Variants in GFM1 observed in about 807,000 individuals in gnomAD.
The protein encoded by GFM1 is G elongation factor mitochondrial 1.
In GFM1, 62 loss-of-function variants were observed where a neutral mutation model predicts 96.2. The ratio of observed to expected loss-of-function variants is 0.64; its 90% CI spans 0.53 to 0.80. The LOEUF (loss-of-function observed/expected upper bound fraction) is 0.80. Among genes scored for constraint, GFM1 ranks in the 30% least tolerant of loss-of-function variants. The probability of loss-of-function intolerance (pLI) is 0.00; values close to 1 mark genes in which losing one functional copy is unlikely to be tolerated. For synonymous variants in GFM1, 282 were observed against 312.9 expected (o/e 0.90, Z 1.04); for missense variants, 852 against 916.6 (o/e 0.93, Z 0.91).
intron 14 of GFM1, among the ~76,000 whole-genome samples, chr3:158,682,730 T>G (rs946913631): frequency 6.6e-6 from 1 of 152,148 alleles, no homozygotes; most frequent in African/African-American, 2.4e-5. Flanking sequence ...TCATTTGCTT[T>G]ATGACTGTCA....
rs10662631 is a variant in GFM1, at chr3:158,691,950, T to TTA, written c.*483_*484insTA. 2,469 of 171,476 alleles carry TTA rather than the reference T, an allele frequency of 0.014. 55 individuals are homozygous for TTA. Among genetic ancestry groups the TTA allele is most frequent in the African/African-American group, 0.057 (2,374 of 41,656 alleles). The allele number at this position is 171,476 out of a possible 1,614,324, so 10.6% of individuals were successfully genotyped here. A position where few individuals can be genotyped will look rare whatever the true frequency, so the allele number is the denominator to read the frequency against. On this transcript the variant is annotated 3_prime_UTR_variant, in exon 18 of 18. Coordinates refer to ENST00000486715, the MANE Select transcript of GFM1 (RefSeq NM_024996.7). Reference sequence around the variant, plus strand: ...TGTCATATTTGCTTTCACTGTCTATTATCTGTTTAAGTCTCATAACTCTAT... The same window carrying TTA: ...TGTCATATTTGCTTTCACTGTCTATTTAATCTGTTTAAGTCTCATAACTCTAT...
Position 158,662,633 on chromosome 3 carries a change from A to C in GFM1, c.1329A>C (p.Ser443=). Residue 443 remains serine, a synonymous_variant, in exon 11 of 18, where the codon TCA becomes TCC. Transcript: ENST00000486715. ...TCTTTTAAAAAATATTTTAGGAGTC[A>C]ATTCATGTTCCTGATCCTGTCATTT... The part of the protein sequence containing the change: ...DKANSGLSME[S]IHVPDPVISI... 1 of 1,588,924 alleles carries C rather than the reference A, an allele frequency of 6.3e-7. No individual in the cohort carries two copies. Among genetic ancestry groups the C allele is most frequent in the Non-Finnish European group, 8.6e-7 (1 of 1,157,834 alleles).
rs1726332085 is a variant in GFM1, at chr3:158,691,646, A to G, written c.*179A>G. ...TATTCAGGAGCTTCTGTTATATTCA[A>G]AGGTAATTCTATGTCTATCTCAACT... On this transcript the variant is annotated 3_prime_UTR_variant, in exon 18 of 18. Coordinates refer to ENST00000486715, the MANE Select transcript of GFM1 (RefSeq NM_024996.7). 16 of 590,168 alleles carry G rather than the reference A, an allele frequency of 2.7e-5. No individual in the cohort carries two copies. The South Asian group carries it at 2.9e-4, about 11-fold the overall frequency. The allele number at this position is 590,168 out of a possible 1,614,324, so 36.6% of individuals were successfully genotyped here.
intron 11 of GFM1, among the ~76,000 whole-genome samples, chr3:158,664,041 A>G (rs1393194983): frequency 6.6e-6 from 1 of 152,178 alleles, no homozygotes; most frequent in African/African-American, 2.4e-5. Flanking sequence ...GTGGCCTTGA[A>G]CAAATCACTT....
At chr3:158,654,275 G>A (rs1250137448) in intron 7 of GFM1, among the ~76,000 whole-genome samples, 2 of 137,078 alleles carry the variant, frequency 1.5e-5, no homozygotes, top group Non-Finnish European at 3.0e-5. Flanking sequence ...GTGCAGTGGT[G>A]CAGTAATAGC....
intron 13 of GFM1, among the ~76,000 whole-genome samples, chr3:158,680,714 G>C (rs1445864094): frequency 3.3e-5 from 5 of 152,146 alleles, no homozygotes; most frequent in Admixed American, 3.3e-4. Flanking sequence ...TCATGGGTTT[G>C]TGGTAAAGAA....
In GFM1 at chr3:158,694,707, T is replaced by TA. The variant is rs1726486371; in HGVS notation, c.*3241dup. 6.6e-6 allele frequency among the ~76,000 whole-genome samples: 1 copy of TA among 152,048 alleles called. No homozygotes were observed. Among genetic ancestry groups the TA allele is most frequent in the Non-Finnish European group, 1.5e-5 (1 of 67,996 alleles). On this transcript the variant is annotated 3_prime_UTR_variant, in exon 18 of 18. Coordinates refer to ENST00000486715, the MANE Select transcript of GFM1 (RefSeq NM_024996.7). ...ACCACCATGCCTGGCTTGATAACTT[T>TA]ACCTTAAAAAAAAAAGTGTTCCTAT...
chr3:158,660,886 G>A lies in GFM1; in HGVS notation c.1234G>A (p.Val412Ile), dbSNP rs773648811. The A allele has an allele frequency of 6.2e-7, 1 of 1,613,568 alleles. No individual in the cohort carries two copies. Among genetic ancestry groups the A allele is most frequent in the Non-Finnish European group, 8.5e-7 (1 of 1,179,510 alleles). Reference sequence around the variant, plus strand: ...TTTGTTTTTTTAGGATGTTGAGGAAGTATATGCCGGAGACATCTGTGCATT... The same window carrying A: ...TTTGTTTTTTTAGGATGTTGAGGAAATATATGCCGGAGACATCTGTGCATT... ...HADMMEDVEEVYAGDICALFG... is the reference protein window; with the variant it reads ...HADMMEDVEEIYAGDICALFG... The change falls in exon 10 of 18, where the codon GTA becomes ATA. Residue 412 changes from valine (V) to isoleucine (I), a missense_variant. By Grantham distance (29) the Val-to-Ile change is conservative (BLOSUM62 3). Transcript: ENST00000486715.
At chr3:158,672,008 C>T (rs1266757170) in intron 13 of GFM1, among the ~76,000 whole-genome samples, 1 of 152,134 alleles carries the variant, frequency 6.6e-6, no homozygotes. Context: ...AGATGAGAAA[C>T]GTGGCAGCCT....
At chr3:158,672,455 G>T in intron 13 of GFM1, 1 of 1,614,118 alleles carries the variant, frequency 6.2e-7, no homozygotes, top group Non-Finnish European at 8.5e-7. Context: ...TGGAGGCTGG[G>T]TAGTTGGTCG....
chr3:158,648,357 T>C (rs1453513743), intron 4 of GFM1, among the ~76,000 whole-genome samples: 1 of 152,148 alleles, frequency 6.6e-6, no homozygotes, highest in African/African-American at 2.4e-5. Context: ...CAGTGAGGAT[T>C]CTTGCCAGTG....
At chr3:158,653,564 GA>G (rs1303828919) in intron 7 of GFM1, 97 bp downstream of exon 7, 10 of 930,976 alleles carry the variant, frequency 1.1e-5, no homozygotes, top group East Asian at 2.5e-5. Context: ...TTATGTCTGT[GA>G]TTTTTTTTCA....
At chr3:158,685,668 G>A (rs894369160) in intron 15 of GFM1, among the ~76,000 whole-genome samples, 2 of 152,118 alleles carry the variant, frequency 1.3e-5, no homozygotes, top group Non-Finnish European at 2.9e-5. Flanking sequence ...AGTTATGATA[G>A]GGAGATTTCC....
At chr3:158,686,879 T>C (rs749007154) in intron 15 of GFM1, among the ~76,000 whole-genome samples, 2 of 151,670 alleles carry the variant, frequency 1.3e-5, no homozygotes, top group African/African-American at 4.8e-5. Flanking sequence ...ATTATAGGCA[T>C]GCACCACCAT....
chr3:158,675,186 C>T (rs772148138), intron 13 of GFM1, among the ~76,000 whole-genome samples: 4 of 147,468 alleles, frequency 2.7e-5, no homozygotes, highest in Non-Finnish European at 5.9e-5. Flanking sequence ...ACTCGGGAGG[C>T]TGAGGCAGGG....
intron 14 of GFM1, 50 bp downstream of exon 14, chr3:158,682,207 T>C (rs1465038641): frequency 7.0e-6 from 10 of 1,434,454 alleles, no homozygotes; most frequent in Non-Finnish European, 8.7e-6. Context: ...AAAAACAGTT[T>C]ATCAGGTATT....
intron 4 of GFM1, among the ~76,000 whole-genome samples, chr3:158,648,437 G>A (rs984852154): frequency 2.0e-5 from 3 of 152,088 alleles, no homozygotes; most frequent in Non-Finnish European, 4.4e-5. Context: ...CCAGCACTTT[G>A]GGAGGCCGAG....
rs762665539 is a variant in GFM1, at chr3:158,691,383, A to T, written c.2172A>T (p.Leu724Phe). The change falls in exon 18 of 18, where the codon TTA becomes TTT. Residue 724 changes from leucine to phenylalanine, a missense_variant. By Grantham distance (22) the Leu-to-Phe change is conservative (BLOSUM62 0). Transcript: ENST00000486715. ...TMEYSRYQPCLPSTQEDVINK... is the reference protein window; with the variant it reads ...TMEYSRYQPCFPSTQEDVINK... ...AGTATAGCAGGTATCAGCCATGTTT[A>T]CCATCCACACAAGAAGACGTCATTA... The T allele has an allele frequency of 3.1e-6, 5 of 1,613,760 alleles. No homozygotes were observed. Among genetic ancestry groups the T allele is most frequent in the Non-Finnish European group, 2.5e-6 (3 of 1,179,806 alleles).
intron 9 of GFM1, chr3:158,660,234 T>C (rs1723093007): frequency 6.6e-6 from 1 of 151,248 alleles, no homozygotes; most frequent in Non-Finnish European, 1.5e-5. Flanking sequence ...TGCGGCAACA[T>C]ATATAGTACA....
Sources: gnomAD v4.1 joint callset for allele counts (sites outside exome capture counted in the v4.1 genomes callset) on GRCh38, gnomAD v4.1.1 for gene constraint, MANE v1.5 for transcripts, NCBI Gene and HGNC (gene_info 2026-07-23, HGNC 2026-07-21) for gene names.